APLF: variants seen among roughly 807,000 people sequenced by gnomAD.
The protein encoded by APLF is aprataxin and PNKP like factor, also known as aprataxin and PNK-like factor.
A neutral mutation model predicts 55.6 loss-of-function variants in APLF; 61 were observed. The observed-to-expected ratio is 1.10, with a 90% CI of 0.89 to 1.36. The LOEUF (loss-of-function observed/expected upper bound fraction) is 1.36. Ranked by LOEUF, APLF falls within the 40% of genes most tolerant of loss-of-function variation. The pLI is 0.00. For missense variants in APLF, 611 were observed against 602.5 expected (o/e 1.01, Z -0.15); for synonymous variants, 207 against 214.8 (o/e 0.96, Z 0.32).
intron 2 of APLF, 128 bp downstream of exon 2, chr2:68,490,389 A>G (rs1676322264): frequency 1.7e-6 from 1 of 600,384 alleles, no homozygotes; most frequent in Non-Finnish European, 2.7e-6. Context: ...TCTCATTGCC[A>G]GAAAATAATT....
At chr2:68,564,908 A>G (rs1236564160) in intron 8 of APLF, among the ~76,000 whole-genome samples, 4 of 152,066 alleles carry the variant, frequency 2.6e-5, no homozygotes, top group Admixed American at 2.0e-4. Context: ...TTTTTGAATT[A>G]AAACTGTTGT....
At chr2:68,481,766 C>G (rs1313249189) in intron 1 of APLF, among the ~76,000 whole-genome samples, 2 of 151,954 alleles carry the variant, frequency 1.3e-5, no homozygotes, top group Non-Finnish European at 2.9e-5. Context: ...TAATGTTGTC[C>G]CATAAATTCA....
At chr2:68,558,690 A>G (rs773968104) in intron 8 of APLF, among the ~76,000 whole-genome samples, 5 of 152,166 alleles carry the variant, frequency 3.3e-5, no homozygotes, top group African/African-American at 4.8e-5. Context: ...GGTTTGTTAC[A>G]TAGGTAAACA....
intron 5 of APLF, among the ~76,000 whole-genome samples, chr2:68,515,086 A>G (rs1361897322): frequency 6.6e-6 from 1 of 151,694 alleles, no homozygotes; most frequent in Non-Finnish European, 1.5e-5. Flanking sequence ...CACATATATT[A>G]TGTACAGAAT....
intron 9 of APLF, among the ~76,000 whole-genome samples, chr2:68,575,298 A>T (rs954518303): frequency 5.3e-5 from 8 of 152,156 alleles, no homozygotes; most frequent in Admixed American, 3.9e-4. Flanking sequence ...CCATGCTTGG[A>T]CTGTTCTAGG....
At chr2:68,569,339 AGTTGGCCTTTAAGAT>A (rs1671390792) in intron 9 of APLF, among the ~76,000 whole-genome samples, 1 of 152,086 alleles carries the variant, frequency 6.6e-6, no homozygotes. Context: ...TTTAAGTAAA[AGTTGGCCTTTAAGAT>A]GGTAGGATTT....
intron 5 of APLF, 57 bp from the exon 6 acceptor site, chr2:68,526,004 T>A (rs1303575595): frequency 1.3e-6 from 2 of 1,487,760 alleles, no homozygotes; most frequent in East Asian, 2.3e-5. Context: ...TTGATATGGA[T>A]TATTGACATT....
chr2:68,506,767 A>G (rs1438009878), intron 3 of APLF, among the ~76,000 whole-genome samples: 2 of 151,980 alleles, frequency 1.3e-5, no homozygotes, highest in African/African-American at 2.4e-5. Context: ...TTGTGAAAAC[A>G]CCTGCAGAAA....
intron 1 of APLF, among the ~76,000 whole-genome samples, chr2:68,484,159 A>T (rs139597877): frequency 1.4e-5 from 2 of 144,010 alleles, no homozygotes; most frequent in African/African-American, 5.9e-5. Flanking sequence ...ACCAAAAATA[A>T]GTATTTGGTA....
intron 5 of APLF, among the ~76,000 whole-genome samples, chr2:68,521,896 A>G (rs987360210): frequency 5.9e-5 from 9 of 152,020 alleles, no homozygotes; most frequent in African/African-American, 2.2e-4. Context: ...ATTGGACTAC[A>G]GTTCAAAATG....
At chr2:68,528,578 C>G in intron 6 of APLF, 2 of 1,534,030 alleles carry the variant, frequency 1.3e-6, no homozygotes, top group Non-Finnish European at 1.7e-6. Context: ...CATGTCCTCC[C>G]CCACCGTCAG....
chr2:68,483,844 G>T (rs1676044895), intron 1 of APLF, among the ~76,000 whole-genome samples: 1 of 151,978 alleles, frequency 6.6e-6, no homozygotes, highest in African/African-American at 2.4e-5. Context: ...TGAGAACATT[G>T]AATTAATGCG....
chr2:68,477,912 C>G (rs1675828241), intron 1 of APLF, among the ~76,000 whole-genome samples: 1 of 152,046 alleles, frequency 6.6e-6, no homozygotes, highest in Admixed American at 6.6e-5. Flanking sequence ...ATTCAGTTAT[C>G]TCCACCTAGT....
At chr2:68,481,361 AGTTTTGTTTT>A (rs56836948) in intron 1 of APLF, among the ~76,000 whole-genome samples, 7 of 151,062 alleles carry the variant, frequency 4.6e-5, no homozygotes, top group Admixed American at 1.3e-4. Context: ...CTGGGCTGGC[AGTTTTGTTTT>A]GTTTTGTTTT....
At chr2:68,480,874 G>GT (rs1331121444) in intron 1 of APLF, among the ~76,000 whole-genome samples, 11 of 152,048 alleles carry the variant, frequency 7.2e-5, no homozygotes, top group African/African-American at 2.7e-4. Flanking sequence ...AGATCATATG[G>GT]TTTTTGTCCT....
At chr2:68,568,425 C>G (rs1468335715) in intron 9 of APLF, 7 of 508,080 alleles carry the variant, frequency 1.4e-5, no homozygotes, top group Non-Finnish European at 1.8e-5. Flanking sequence ...CACTTTAGTG[C>G]TTTAGTACTC....
intron 1 of APLF, among the ~76,000 whole-genome samples, chr2:68,469,388 C>T (rs142806103): frequency 8.0e-4 from 122 of 151,984 alleles, no homozygotes; most frequent in African/African-American, 2.8e-3. Context: ...GATTGCAGAC[C>T]GTTTCATTAT....
At chr2:68,518,688 A>G (rs1450910320) in intron 5 of APLF, among the ~76,000 whole-genome samples, 2 of 123,680 alleles carry the variant, frequency 1.6e-5, no homozygotes, top group South Asian at 2.4e-4. Flanking sequence ...ATGAATATAT[A>G]TCATTAATAT....
chr2:68,572,830 C>CTCTG (rs1397645088), intron 9 of APLF, among the ~76,000 whole-genome samples: 1 of 151,368 alleles, frequency 6.6e-6, no homozygotes, highest in African/African-American at 2.4e-5. Flanking sequence ...CAGAGCAACA[C>CTCTG]TCTGTCTCAA....
Sources: allele counts gnomAD v4.1 joint callset (sites outside exome capture counted in the v4.1 genomes callset), GRCh38; gene constraint gnomAD v4.1.1; transcripts MANE v1.5; gene names NCBI Gene and HGNC (gene_info 2026-07-23, HGNC 2026-07-21).